Variants in CD2BP2 observed in about 807,000 individuals in gnomAD.
CD2BP2 encodes CD2 antigen cytoplasmic tail-binding protein 2.
Under a neutral mutation model 35.9 loss-of-function variants are expected in CD2BP2, and 27 were observed. The ratio of observed to expected loss-of-function variants is 0.75; its 90% CI spans 0.55 to 1.04. The LOEUF (loss-of-function observed/expected upper bound fraction) is 1.04. Ranked by LOEUF, CD2BP2 falls within the 50% of genes least tolerant of loss-of-function variation. CD2BP2 has a pLI of 0.00. For synonymous variants in CD2BP2, 213 were observed against 173.5 expected (o/e 1.23, Z -1.79); for missense variants, 497 against 444.3 (o/e 1.12, Z -1.07).
At position 30,353,205 on chromosome 16, in the gene CD2BP2, C is replaced by T. The variant is rs1398181058; in HGVS notation, c.891G>A (p.Gly297=). The change falls in exon 6 of 7, where the codon GGG becomes GGA. Residue 297 remains glycine, a synonymous_variant. Transcript: ENST00000305596. Reference sequence around the variant, plus strand: ...CCTGCATCTGGGCGCTGGTGAAGGGCCCATACAGCTCGGCATCCCCCGTGT... The same window carrying T: ...CCTGCATCTGGGCGCTGGTGAAGGGTCCATACAGCTCGGCATCCCCCGTGT... ...WENTGDAELY[G]PFTSAQMQTW... is the part of the protein sequence containing the mutation. 1 of 1,613,934 alleles carries T rather than the reference C, an allele frequency of 6.2e-7. No individual in the cohort carries two copies. Among genetic ancestry groups the T allele is most frequent in the Non-Finnish European group, 8.5e-7 (1 of 1,179,934 alleles).
rs2049483476 is a variant in CD2BP2 at position 30,351,714 on chromosome 16, C to T, written c.*1271G>A. ...ACCCCACTAAAGCCACACACATGCTCAGCTCTCCAACCACGGTGGGGTCCA... is the reference window on the plus strand; with the variant it reads ...ACCCCACTAAAGCCACACACATGCTTAGCTCTCCAACCACGGTGGGGTCCA... On this transcript the variant is annotated 3_prime_UTR_variant, in exon 7 of 7. Transcript: ENST00000305596. 6.6e-6 allele frequency: 1 copy of T among 152,494 alleles called. No homozygotes were observed. The highest frequency in any genetic ancestry group is 1.5e-5 in the Non-Finnish European group (1 of 68,268). 9.4% of individuals were successfully genotyped at this position (152,494 alleles called of 1,614,324 possible).
chr16:30,355,062 G>A (rs1373737491), intron 1 of CD2BP2, 150 bp downstream of exon 1: 7 of 270,576 alleles, frequency 2.6e-5, no homozygotes, highest in Non-Finnish European at 5.1e-5. Context: ...AGCTCGCCGG[G>A]CCCCGGCAGA....
intron 1 of CD2BP2, 104 bp downstream of exon 1, chr16:30,355,108 C>G: frequency 4.3e-6 from 1 of 234,850 alleles, no homozygotes; most frequent in Non-Finnish European, 8.6e-6. Context: ...CCGTTCCTCC[C>G]TGCTCCGAAC....
In CD2BP2 at chr16:30,353,479, C is replaced by A. The variant is rs553117547; in HGVS notation, c.697G>T (p.Gly233Trp). 8 of 1,614,110 alleles carry A rather than the reference C, an allele frequency of 5.0e-6. No individual in the cohort carries two copies. The highest frequency in any genetic ancestry group is 4.0e-5 in the African/African-American group (3 of 75,044). ...ERLAMRLKGLGCQTLGPHNPT... is the reference protein window; with the variant it reads ...ERLAMRLKGLWCQTLGPHNPT... ...TTGTGGGGTCCTAGGGTCTGACACC[C>A]CAAACCCTTCAGACGCATAGCCAAC... Residue 233 changes from glycine to tryptophan, a missense_variant, in exon 5 of 7, where the codon GGG becomes TGG. Physicochemically the swap from Gly to Trp is radical, Grantham distance 184. Transcript: ENST00000305596.
In CD2BP2 at chr16:30,353,741, G is replaced by GTCC; in HGVS notation, c.432_434dup (p.Glu144dup). 6.2e-7 allele frequency: 1 copy of GTCC among 1,609,920 alleles called. No individual in the cohort carries two copies. The highest frequency in any genetic ancestry group is 8.5e-7 in the Non-Finnish European group (1 of 1,177,916). On this transcript the variant is annotated inframe_insertion, in exon 5 of 7. Coordinates refer to ENST00000305596, the MANE Select transcript of CD2BP2 (RefSeq NM_006110.3). Reference sequence around the variant, plus strand: ...CACTCATTGAGGTCTGGCCCAAGCTGTCCTCCTCCTCCGAGTCTGAGGCCT... The same window carrying GTCC: ...CACTCATTGAGGTCTGGCCCAAGCTGTCCTCCTCCTCCTCCGAGTCTGAGGCCT...
rs1367095495 is a variant in CD2BP2 at position 30,353,504 on chromosome 16, C to T, written c.672G>A (p.Arg224=). The T allele has an allele frequency of 1.2e-6, 2 of 1,614,192 alleles. No homozygotes were observed. Among genetic ancestry groups the T allele is most frequent in the African/African-American group, 1.3e-5 (1 of 75,052 alleles). Residue 224 remains arginine (R), a synonymous_variant, in exon 5 of 7, where the codon CGG becomes CGA. Coordinates refer to ENST00000305596, the MANE Select transcript of CD2BP2 (RefSeq NM_006110.3). ...NLGVYQETRE[R]LAMRLKGLGC... ...CCAAACCCTTCAGACGCATAGCCAA[C>T]CGTTCCCTTGTTTCCTGGTACACAC...
chr16:30,353,277 C>T lies in CD2BP2; in HGVS notation c.819G>A (p.Ser273=), dbSNP rs765577639. Residue 273 remains serine (S), a synonymous_variant, in exon 6 of 7, where the codon TCG becomes TCA. Coordinates refer to ENST00000305596, the MANE Select transcript of CD2BP2 (RefSeq NM_006110.3). ...PTPTQRGEAE[S]RGDGLVDVMW... ...TCACATCCACCAGACCATCTCCCCGCGACTCTGCTTCTAAAATAACAGGCA... is the reference window on the plus strand; with the variant it reads ...TCACATCCACCAGACCATCTCCCCGTGACTCTGCTTCTAAAATAACAGGCA... The T allele has an allele frequency of 2.4e-5, 38 of 1,614,022 alleles. No homozygotes were observed. Among genetic ancestry groups the T allele is most frequent in the Middle Eastern group, 3.3e-4 (2 of 6,084 alleles).
At position 30,351,013 on chromosome 16, in the gene CD2BP2, T is replaced by C. The variant is rs145636394; in HGVS notation, c.*1972A>G. On this transcript the variant is annotated 3_prime_UTR_variant, in exon 7 of 7. Transcript: ENST00000305596. ...GCAGACCCTCGTGACTCCCCTTCCCTTATAAGGGCCCCCATGATTACTCAG... is the reference window on the plus strand; with the variant it reads ...GCAGACCCTCGTGACTCCCCTTCCCCTATAAGGGCCCCCATGATTACTCAG... 6.5e-6 allele frequency: 1 copy of C among 152,714 alleles called. No homozygotes were observed. The highest frequency in any genetic ancestry group is 1.9e-4 in the East Asian group (1 of 5,180). The allele number at this position is 152,714 out of a possible 1,614,324, so 9.5% of individuals were successfully genotyped here. A position where few individuals can be genotyped will look rare whatever the true frequency, so the allele number is the denominator to read the frequency against.
chr16:30,352,775 G>C lies in CD2BP2; in HGVS notation c.*210C>G. 1.7e-6 allele frequency: 1 copy of C among 584,968 alleles called. No homozygotes were observed. The highest frequency in any genetic ancestry group is 3.0e-5 in the Admixed American group (1 of 33,434). The allele number at this position is 584,968 out of a possible 1,614,324, so 36.2% of individuals were successfully genotyped here. On this transcript the variant is annotated 3_prime_UTR_variant, in exon 7 of 7. Coordinates refer to ENST00000305596, the MANE Select transcript of CD2BP2 (RefSeq NM_006110.3). ...AAGGATCTTCATGGGAGTACTCAGG[G>C]ACCAAGACAAGTCCAAAGGGACTGT... is the stretch of plus-strand genomic sequence containing the variant.
At position 30,353,280 on chromosome 16, in the gene CD2BP2, C is replaced by T. The variant is rs199782921; in HGVS notation, c.816G>A (p.Glu272=). 3 of 1,614,182 alleles carry T rather than the reference C, an allele frequency of 1.9e-6. No homozygotes were observed. Among genetic ancestry groups the T allele is most frequent in the Non-Finnish European group, 1.7e-6 (2 of 1,180,008 alleles). ...TPTPTQRGEA[E]SRGDGLVDVM... ...CATCCACCAGACCATCTCCCCGCGA[C>T]TCTGCTTCTAAAATAACAGGCAAAG... Residue 272 remains glutamate (E), a synonymous_variant, in exon 6 of 7, where the codon GAG becomes GAA. Transcript: ENST00000305596.
At chr16:30,354,811 A>C (rs1193822752) in intron 1 of CD2BP2, 104 bp from the exon 2 acceptor site, 3 of 843,186 alleles carry the variant, frequency 3.6e-6, no homozygotes, top group Non-Finnish European at 6.0e-6. Flanking sequence ...ACAGTTTGGG[A>C]GCGGAGGGAG....
intron 2 of CD2BP2, 42 bp from the exon 3 acceptor site, chr16:30,354,364 GC>G (rs1241271755): frequency 6.3e-7 from 1 of 1,591,642 alleles, no homozygotes; most frequent in Non-Finnish European, 8.5e-7. Context: ...CAGGTTACTG[GC>G]TACCTCCCCA....
intron 4 of CD2BP2, 34 bp downstream of exon 4, chr16:30,353,867 C>A (rs767867775): frequency 6.2e-7 from 1 of 1,611,716 alleles, no homozygotes; most frequent in Admixed American, 1.7e-5. Context: ...TCTGCCACTC[C>A]CAGGCCCCAG....
intron 1 of CD2BP2, 103 bp from the exon 2 acceptor site, chr16:30,354,810 G>A: frequency 3.6e-6 from 3 of 842,734 alleles, no homozygotes; most frequent in Non-Finnish European, 6.0e-6. Flanking sequence ...TACAGTTTGG[G>A]AGCGGAGGGA....
rs771039350 is a variant in CD2BP2 at position 30,353,041 on chromosome 16, G to T, written c.970C>A (p.Pro324Thr). The T allele has an allele frequency of 6.2e-7, 1 of 1,614,056 alleles. No individual in the cohort carries two copies. The highest frequency in any genetic ancestry group is 1.3e-5 in the African/African-American group (1 of 74,984). Residue 324 changes from proline to threonine, a missense_variant, in exon 7 of 7, where the codon CCC (proline) becomes ACC (threonine). Physicochemically the swap from Pro to Thr is conservative, Grantham distance 38. Transcript: ENST00000305596. ...PDGVYCRKLDPPGGQFYNSKR... is the reference protein window; with the variant it reads ...PDGVYCRKLDTPGGQFYNSKR... ...GAGTTGTAGAACTGACCACCAGGGG[G>T]GTCCAGCTTCCGGCAATAAACACCG...
At chr16:30,353,320 G>A (rs1339254522) in intron 5 of CD2BP2, 33 bp from the exon 6 acceptor site, 5 of 1,613,416 alleles carry the variant, frequency 3.1e-6, no homozygotes, top group Admixed American at 1.7e-5. Context: ...TTGGCCTCCA[G>A]TGTCTCACTT....
Position 30,353,245 on chromosome 16 carries a change from T to A in CD2BP2, c.851A>T (p.Glu284Val). ...RGDGLVDVMW[E>V]YKWENTGDAE... ...ATCCCCCGTGTTCTCCCACTTATAT[T>A]CCCACATCACATCCACCAGACCATC... The change falls in exon 6 of 7, where the codon GAA becomes GTA. Residue 284 changes from glutamate (E) to valine (V), a missense_variant. Glu to Val is a moderately radical substitution (Grantham distance 121). Coordinates refer to ENST00000305596, the MANE Select transcript of CD2BP2 (RefSeq NM_006110.3). 6.2e-7 allele frequency: 1 copy of A among 1,614,044 alleles called. No individual in the cohort carries two copies. Among genetic ancestry groups the A allele is most frequent in the Non-Finnish European group, 8.5e-7 (1 of 1,180,002 alleles).
rs200806192 is a variant in CD2BP2 at position 30,353,683 on chromosome 16, G to A, written c.493C>T (p.Leu165=). 1 of 1,613,834 alleles carries A rather than the reference G, an allele frequency of 6.2e-7. No individual in the cohort carries two copies. The highest frequency in any genetic ancestry group is 8.5e-7 in the Non-Finnish European group (1 of 1,179,948). ...CCAGCCACTGTCTCTCTAGGCAATA[G>A]GAGCTCCAAAAGTCCCTCCAAGAGG... The part of the protein sequence containing the change: ...QALLEGLLEL[L]LPRETVAGAL... The change falls in exon 5 of 7, where the codon CTA becomes TTA. Residue 165 remains leucine (L), a synonymous_variant. Coordinates refer to ENST00000305596, the MANE Select transcript of CD2BP2 (RefSeq NM_006110.3).
intron 1 of CD2BP2, 39 bp from the exon 2 acceptor site, chr16:30,354,746 G>A (rs1009262364): frequency 6.4e-6 from 9 of 1,399,902 alleles, no homozygotes; most frequent in African/African-American, 5.7e-5. Flanking sequence ...CGGGTGAGGA[G>A]GGGACTCGCC....
Sources: allele counts gnomAD v4.1 joint callset, GRCh38; gene constraint gnomAD v4.1.1; transcripts MANE v1.5; gene names NCBI Gene and HGNC (gene_info 2026-07-23, HGNC 2026-07-21).